LRRC43: variants seen among roughly 807,000 people sequenced by gnomAD.
LRRC43 encodes leucine rich repeat containing 43.
A neutral mutation model predicts 64.3 loss-of-function variants in LRRC43; 62 were observed. The ratio of observed to expected loss-of-function variants is 0.96; its 90% CI spans 0.79 to 1.19. The LOEUF (loss-of-function observed/expected upper bound fraction) is 1.19. Ranked by LOEUF, LRRC43 falls within the 50% of genes most tolerant of loss-of-function variation. LRRC43 has a pLI of 0.00. For synonymous variants in LRRC43, 422 were observed against 382.3 expected (o/e 1.10, Z -1.21); for missense variants, 868 against 845.0 (o/e 1.03, Z -0.34).
rs753161019 is a variant in LRRC43, at chr12:122,187,687, G to C, written c.523-14G>C. The C allele has an allele frequency of 1.2e-5, 19 of 1,612,196 alleles. No individual in the cohort carries two copies. The Admixed American group carries it at 1.3e-4, about 11-fold the overall frequency. ...GGGGCCCCATCGTCCCGGGCCTTCC[G>C]TGTGGTCTCCCAGGTGCTGGAGCTC... On this transcript the variant is annotated splice_polypyrimidine_tract_variant and intron_variant, in intron 3 of 11. Coordinates refer to ENST00000339777, the MANE Select transcript of LRRC43 (RefSeq NM_001098519.2).
At chr12:122,201,208 C>A in intron 10 of LRRC43, 88 bp from the exon 11 acceptor site, 1 of 1,336,876 alleles carries the variant, frequency 7.5e-7, no homozygotes, top group Non-Finnish European at 1.1e-6. Flanking sequence ...CCTGTCAGAG[C>A]CTTGGAGGAG....
chr12:122,184,326 C>G lies in LRRC43; in HGVS notation c.151-193C>G, dbSNP rs1953615590. On this transcript the variant is annotated intron_variant, in intron 1 of 11. Transcript: ENST00000339777. This position sits in a 1 kb window ranked among gnomAD's most constrained non-coding sequence, Gnocchi z 4.0. ...AGCCAGGATGGCCTCGATCTCTTGA[C>G]CTCATGATCCGCCTGCCTCAGCCTC... Among the ~76,000 whole-genome samples the G allele has an allele frequency of 6.6e-6, 1 of 152,164 alleles. No homozygotes were observed. The highest frequency in any genetic ancestry group is 1.5e-5 in the Non-Finnish European group (1 of 68,036).
chr12:122,177,017 C>G (rs930087438), intron 1 of LRRC43, among the ~76,000 whole-genome samples: 1 of 152,158 alleles, frequency 6.6e-6, no homozygotes, highest in Admixed American at 6.6e-5. Context: ...TTCACCACCC[C>G]ACTAATGTAA....
rs557868087 is a variant in LRRC43 at position 122,185,351 on chromosome 12, T to C, written c.411+572T>C. Among the ~76,000 whole-genome samples, 11 of 152,226 alleles carry C rather than the reference T, an allele frequency of 7.2e-5. No individual in the cohort carries two copies. In the South Asian group the frequency reaches 2.3e-3, roughly 32 times the overall value. On this transcript the variant is annotated intron_variant, in intron 2 of 11. Coordinates refer to ENST00000339777, the MANE Select transcript of LRRC43 (RefSeq NM_001098519.2). ...TTAGCCAGGTATGGTGGTGCACGCC[T>C]GTAGCCCCAGCTACTCAGAGGCTTA...
intron 1 of LRRC43, chr12:122,174,017 C>T (rs199751785): frequency 2.4e-5 from 38 of 1,613,310 alleles, no homozygotes; most frequent in Middle Eastern, 3.3e-4. Flanking sequence ...ATGCCGTGAG[C>T]GCATACATCA....
rs138591343 is a variant in LRRC43, at chr12:122,172,701, G to A, written c.-406+4919G>A. On this transcript the variant is annotated intron_variant, in intron 1 of 5. Coordinates refer to the LRRC43 transcript ENST00000537729. ...GGCGTCAGGGCTGAGACACGGCAGC[G>A]TGTAATTCTGGGACACGAGCACGCC... 103 of 1,613,874 alleles carry A rather than the reference G, an allele frequency of 6.4e-5. 1 individual carries two copies. The highest frequency in any genetic ancestry group is 4.8e-4 in the South Asian group (44 of 91,058).
intron 1 of LRRC43, among the ~76,000 whole-genome samples, chr12:122,168,573 C>T (rs1953459926): frequency 6.6e-6 from 1 of 151,970 alleles, no homozygotes; most frequent in South Asian, 2.1e-4. Context: ...CAGGGGTGAG[C>T]CACAGCACCT....
intron 11 of LRRC43, chr12:122,201,958 T>C (rs1195135374): frequency 6.6e-6 from 1 of 152,292 alleles, no homozygotes; most frequent in African/African-American, 2.4e-5. Context: ...ACCCCGTCTC[T>C]ACTGAAAACA....
chr12:122,189,990 G>T, intron 4 of LRRC43, 140 bp from the exon 5 acceptor site: 1 of 733,310 alleles, frequency 1.4e-6, no homozygotes, highest in Non-Finnish European at 2.4e-6. Context: ...GGGTTAACTT[G>T]GGTCAAGGGT....
At chr12:122,183,083 C>T, upstream of LRRC43, 1 of 1,503,408 alleles carries the variant, frequency 6.7e-7, no homozygotes, top group Non-Finnish European at 8.8e-7. Context: ...GTGAGAGCGC[C>T]TGGAGAGGCC....
chr12:122,178,528 G>T (rs1468006337), upstream of LRRC43, among the ~76,000 whole-genome samples: 1 of 151,680 alleles, frequency 6.6e-6, no homozygotes, highest in African/African-American at 2.4e-5. Flanking sequence ...AGATGAAGAG[G>T]TGTGGATGGG....
At chr12:122,188,994 C>T (rs1461436453) in intron 4 of LRRC43, among the ~76,000 whole-genome samples, 1 of 152,156 alleles carries the variant, frequency 6.6e-6, no homozygotes, top group Admixed American at 6.5e-5. Flanking sequence ...TGGAACCAAG[C>T]CCTAGCGCCA....
Position 122,171,050 on chromosome 12 carries a change from C to T in LRRC43, c.-406+3268C>T, listed in dbSNP as rs559553465. Among the ~76,000 whole-genome samples the T allele has an allele frequency of 2.2e-3, 335 of 152,324 alleles. 5 individuals are homozygous for T. In the Middle Eastern group the frequency reaches 0.034, roughly 15 times the overall value. On this transcript the variant is annotated intron_variant, in intron 1 of 5. Coordinates refer to the LRRC43 transcript ENST00000537729. ...TCTAAGAAGCCTTAACAGTTGTGGA[C>T]TTAACATTGATTCAAATGACAAAAT...
chr12:122,172,639 C>G (rs376760159), intron 1 of LRRC43: 1 of 1,613,964 alleles, frequency 6.2e-7, no homozygotes, highest in Non-Finnish European at 8.5e-7. Flanking sequence ...TTGAGATATG[C>G]CCGGATGGCT....
upstream of LRRC43, among the ~76,000 whole-genome samples, chr12:122,180,246 G>A (rs966020094): frequency 2.0e-5 from 3 of 151,692 alleles, no homozygotes; most frequent in African/African-American, 7.3e-5. Context: ...GGCCAGGGGC[G>A]AGTGGCTCAC....
At chr12:122,180,373 G>C (rs1953571924), upstream of LRRC43, among the ~76,000 whole-genome samples, 3 of 152,002 alleles carry the variant, frequency 2.0e-5, no homozygotes, top group South Asian at 6.2e-4. Flanking sequence ...ACAAAAACTA[G>C]CTGGGCATGG....
At chr12:122,193,171 G>A (rs975572806) in intron 7 of LRRC43, among the ~76,000 whole-genome samples, 167 bp downstream of exon 7, 2 of 151,808 alleles carry the variant, frequency 1.3e-5, no homozygotes, top group African/African-American at 4.8e-5. Context: ...ACGAGGTCAG[G>A]AGATCGAGAC....
chr12:122,182,092 A>C (rs1953586600), upstream of LRRC43, among the ~76,000 whole-genome samples: 1 of 152,010 alleles, frequency 6.6e-6, no homozygotes, highest in Non-Finnish European at 1.5e-5. Flanking sequence ...ATGTCCTTAT[A>C]AAAGAAGCTT....
chr12:122,203,204 G>A (rs374925563), intron 11 of LRRC43, 111 bp from the exon 12 acceptor site: 7 of 1,182,020 alleles, frequency 5.9e-6, no homozygotes, highest in East Asian at 2.5e-5. Flanking sequence ...GACCAAAACT[G>A]TGCTCCCGCT....
Sources: allele counts gnomAD v4.1 joint callset (sites outside exome capture counted in the v4.1 genomes callset), GRCh38; gene constraint gnomAD v4.1.1; non-coding constraint Gnocchi (gnomAD v3.1); transcripts MANE v1.5; gene names NCBI Gene and HGNC (gene_info 2026-07-23, HGNC 2026-07-21).